Variants in SORCS2 observed in about 807,000 individuals in gnomAD.
SORCS2 encodes the protein VPS10 domain-containing receptor SorCS2.
A neutral mutation model predicts 141.6 loss-of-function variants in SORCS2; 100 were observed. The ratio of observed to expected loss-of-function variants is 0.71; its 90% CI spans 0.60 to 0.83. The LOEUF is 0.83. Among genes scored for constraint, SORCS2 ranks in the 40% least tolerant of loss-of-function variants. The pLI, the probability that SORCS2 is intolerant of heterozygous loss-of-function variation, is 0.00. For synonymous variants in SORCS2, 789 were observed against 676.9 expected, an observed-to-expected ratio of 1.17 and a Z score of -2.57; for missense variants, 1,646 against 1,560.2, an observed-to-expected ratio of 1.05 and a Z score of -0.93.
At chr4:7,413,423 T>G (rs914023742) in intron 2 of SORCS2, among the ~76,000 whole-genome samples, 2 of 137,892 alleles carry the variant, frequency 1.5e-5, no homozygotes, top group Admixed American at 8.0e-5. Flanking sequence ...AGATAGAGTC[T>G]CATTCTGTCA....
At chr4:7,699,706 G>A (rs1025361288) in intron 12 of SORCS2, among the ~76,000 whole-genome samples, 1 of 152,136 alleles carries the variant, frequency 6.6e-6, no homozygotes, top group Non-Finnish European at 1.5e-5. Flanking sequence ...TTATCCACGA[G>A]GCCCCTCTCC....
intron 3 of SORCS2, among the ~76,000 whole-genome samples, chr4:7,593,300 A>G (rs547975321): frequency 4.9e-4 from 74 of 152,334 alleles, no homozygotes; most frequent in Admixed American, 1.8e-3. Flanking sequence ...AGATCAGCCT[A>G]GAATCTGGAA....
chr4:7,256,951 G>A (rs1210660883), intron 1 of SORCS2, among the ~76,000 whole-genome samples: 2 of 152,316 alleles, frequency 1.3e-5, no homozygotes, highest in African/African-American at 2.4e-5. Context: ...TTGGATGTAG[G>A]TGTCATCGGT....
chr4:7,634,655 G>T (rs1033281100), intron 3 of SORCS2, among the ~76,000 whole-genome samples: 1 of 152,196 alleles, frequency 6.6e-6, no homozygotes, highest in Non-Finnish European at 1.5e-5. Context: ...TTCGAGGAGG[G>T]GGGTAACTCC....
At chr4:7,601,614 C>G (rs527991363) in intron 3 of SORCS2, among the ~76,000 whole-genome samples, 13 of 59,336 alleles carry the variant, frequency 2.2e-4, no homozygotes, top group African/African-American at 1.2e-3. Context: ...GCAAGACTCT[C>G]TCAAAAAAAA....
chr4:7,433,235 T>G, intron 2 of SORCS2: 2 of 1,310,940 alleles, frequency 1.5e-6, no homozygotes, highest in Non-Finnish European at 1.9e-6. Flanking sequence ...GCTTCAGTTT[T>G]TCATTTGTGA....
At chr4:7,592,789 A>C (rs1717003989) in intron 3 of SORCS2, among the ~76,000 whole-genome samples, 1 of 152,228 alleles carries the variant, frequency 6.6e-6, no homozygotes. Context: ...TCTCAAATGT[A>C]ATCCCTACCT....
At chr4:7,665,891 C>T (rs905643275) in intron 7 of SORCS2, among the ~76,000 whole-genome samples, 9 of 152,164 alleles carry the variant, frequency 5.9e-5, no homozygotes, top group Non-Finnish European at 1.3e-4. Flanking sequence ...CACCTATGGC[C>T]GAGCAGGCTG....
rs80299429 is a variant in SORCS2, at chr4:7,415,560, C to G, written c.548+19205C>G. ...AGGATAATCTTCCCATTTCTAGGTC[C>G]TTAATCAGACCTGCAAAGTCCCTTT... is the stretch of plus-strand genomic sequence containing the variant. On this transcript the variant is annotated intron_variant, in intron 2 of 26. Coordinates refer to ENST00000507866, the MANE Select transcript of SORCS2 (RefSeq NM_020777.3). Among the ~76,000 whole-genome samples the G allele has an allele frequency of 5.8e-3, 885 of 152,320 alleles. 20 individuals carry two copies. Among genetic ancestry groups the G allele is most frequent in the Admixed American group, 0.05 (763 of 15,310 alleles).
chr4:7,343,617 C>T (rs1278947537), intron 1 of SORCS2, among the ~76,000 whole-genome samples: 1 of 152,238 alleles, frequency 6.6e-6, no homozygotes, highest in Non-Finnish European at 1.5e-5. Flanking sequence ...TGCCTGGCTT[C>T]AGACCCAGTG....
intron 2 of SORCS2, among the ~76,000 whole-genome samples, chr4:7,461,362 CA>C (rs1729297059): frequency 1.3e-5 from 2 of 152,152 alleles, no homozygotes; most frequent in Non-Finnish European, 2.9e-5. Context: ...GCCTCACCAG[CA>C]GGGGGATGGC....
intron 13 of SORCS2, 90 bp from the exon 14 acceptor site, chr4:7,704,087 C>T (rs927738209): frequency 2.0e-5 from 24 of 1,179,066 alleles, no homozygotes; most frequent in South Asian, 1.2e-4. Flanking sequence ...GTGCAGCCTC[C>T]GCCCCTCCAG....
At chr4:7,324,005 G>A (rs1424277566) in intron 1 of SORCS2, among the ~76,000 whole-genome samples, 1 of 152,156 alleles carries the variant, frequency 6.6e-6, no homozygotes, top group Non-Finnish European at 1.5e-5. Flanking sequence ...AGGATCTGAG[G>A]CCCACACCAT....
At chr4:7,554,532 C>A (rs1161430306) in intron 3 of SORCS2, among the ~76,000 whole-genome samples, 1 of 151,930 alleles carries the variant, frequency 6.6e-6, no homozygotes, top group African/African-American at 2.4e-5. Flanking sequence ...GACAGCCCAC[C>A]ATTAGGATAT....
At chr4:7,607,380 A>G (rs181090027) in intron 3 of SORCS2, among the ~76,000 whole-genome samples, 77 of 152,094 alleles carry the variant, frequency 5.1e-4, no homozygotes, top group African/African-American at 1.8e-3. Flanking sequence ...GCGTCGGGGA[A>G]TTTTTGTTCT....
At chr4:7,540,242 C>T (rs935440752) in intron 3 of SORCS2, among the ~76,000 whole-genome samples, 1 of 149,860 alleles carries the variant, frequency 6.7e-6, no homozygotes, top group Non-Finnish European at 1.5e-5. Flanking sequence ...CCCTGCCTCT[C>T]CTTCCTGCCA....
intron 1 of SORCS2, among the ~76,000 whole-genome samples, chr4:7,387,828 AT>A (rs1278815907): frequency 1.4e-4 from 21 of 151,070 alleles, no homozygotes; most frequent in South Asian, 4.2e-4. Context: ...AGAGATACAC[AT>A]GCACATACAT....
intron 2 of SORCS2, among the ~76,000 whole-genome samples, chr4:7,472,200 A>G (rs1056166377): frequency 6.6e-6 from 1 of 152,108 alleles, no homozygotes; most frequent in African/African-American, 2.4e-5. Context: ...CCCAAAGAGC[A>G]GAAGGGACAG....
intron 3 of SORCS2, among the ~76,000 whole-genome samples, chr4:7,549,023 G>T (rs904305899): frequency 6.6e-6 from 1 of 151,994 alleles, no homozygotes; most frequent in Admixed American, 6.5e-5. Flanking sequence ...CATAGGGTGG[G>T]GTCCACCCAC....
Sources: allele counts gnomAD v4.1 joint callset (sites outside exome capture counted in the v4.1 genomes callset), GRCh38; gene constraint gnomAD v4.1.1; transcripts MANE v1.5; gene names NCBI Gene and HGNC (gene_info 2026-07-23, HGNC 2026-07-21).